The following MEMO1 variants were observed in gnomAD, a reference collection of about 807,000 sequenced individuals.
The protein encoded by MEMO1 is mediator of cell motility 1, also known as protein MEMO1.
In MEMO1, 6 loss-of-function variants were observed where a neutral mutation model predicts 45.2. The observed-to-expected ratio is 0.13, with a 90% CI of 0.07 to 0.26. MEMO1 has a LOEUF of 0.26. Ranked by LOEUF, MEMO1 falls within the 10% of genes least tolerant of loss-of-function variation. The probability of loss-of-function intolerance (pLI) is 1.00; values close to 1 mark genes in which losing one functional copy is unlikely to be tolerated. For missense variants in MEMO1, 184 were observed against 370.5 expected, an observed-to-expected ratio of 0.50 and a Z score of 4.13; for synonymous variants, 78 against 124.3, an observed-to-expected ratio of 0.63 and a Z score of 2.48.
intron 2 of MEMO1, among the ~76,000 whole-genome samples, chr2:31,994,000 G>A (rs1222113057): frequency 9.1e-5 from 10 of 109,846 alleles, no homozygotes; most frequent in Admixed American, 5.7e-4. Flanking sequence ...TTGCTCTGTC[G>A]CCCAGGCTTG....
rs538336489 is a variant in MEMO1 at position 31,956,056 on chromosome 2, C to A, written c.62-12673G>T. Among the ~76,000 whole-genome samples the A allele has an allele frequency of 2.8e-4, 43 of 152,234 alleles. 2 individuals carry two copies. In the East Asian group the frequency reaches 7.7e-3, roughly 27 times the overall value. On this transcript the variant is annotated intron_variant, in intron 2 of 9. Coordinates refer to ENST00000404530, the MANE Select transcript of MEMO1 (RefSeq NM_001301833.4). Reference sequence around the variant, plus strand: ...ATAAATCTGGACCATAAAAAGCAACCACCTCAAGTGACACAAATGCTTGAA... The same window carrying A: ...ATAAATCTGGACCATAAAAAGCAACAACCTCAAGTGACACAAATGCTTGAA...
At chr2:31,890,036 G>T (rs748342289) in intron 7 of MEMO1, among the ~76,000 whole-genome samples, 1 of 152,068 alleles carries the variant, frequency 6.6e-6, no homozygotes, top group Non-Finnish European at 1.5e-5. Flanking sequence ...AATCTAGGTA[G>T]AAGGTAAAAC....
At chr2:31,990,082 A>G (rs1050175577) in intron 2 of MEMO1, among the ~76,000 whole-genome samples, 11 of 152,168 alleles carry the variant, frequency 7.2e-5, no homozygotes, top group African/African-American at 2.4e-4. Flanking sequence ...ATGCCACTGC[A>G]CTCCAGCATG....
At chr2:31,998,319 A>G (rs949395244) in intron 2 of MEMO1, among the ~76,000 whole-genome samples, 25 of 152,054 alleles carry the variant, frequency 1.6e-4, no homozygotes, top group African/African-American at 6.0e-4. Context: ...GGCCTGAAGT[A>G]TTTTCTTTAC....
At chr2:32,010,310 G>A (rs1674708034) in intron 1 of MEMO1, 46 bp from the exon 2 acceptor site, 6 of 1,164,910 alleles carry the variant, frequency 5.2e-6, no homozygotes, top group Admixed American at 4.6e-5. Flanking sequence ...GGCGGCGGCA[G>A]GAGCGGCTCC....
chr2:31,946,764 G>A (rs965729722), intron 2 of MEMO1, among the ~76,000 whole-genome samples: 6 of 152,154 alleles, frequency 3.9e-5, no homozygotes, highest in Non-Finnish European at 8.8e-5. Context: ...TTGGGAGGCT[G>A]AGGCACAGGA....
intron 2 of MEMO1, among the ~76,000 whole-genome samples, chr2:31,972,503 GA>G (rs1239180370): frequency 6.6e-6 from 1 of 152,152 alleles, no homozygotes; most frequent in East Asian, 1.9e-4. Flanking sequence ...TTGAGGTCAG[GA>G]GTTCTAGACC....
At chr2:31,903,953 T>C (rs1298519687) in intron 6 of MEMO1, among the ~76,000 whole-genome samples, 1 of 152,152 alleles carries the variant, frequency 6.6e-6, no homozygotes, top group African/African-American at 2.4e-5. Flanking sequence ...TAAAAGCACA[T>C]CTACTTTTCT....
rs774441988 is a variant in MEMO1, at chr2:31,891,843, A to AT, written c.580+148dup. ...CTGATCCTTTTTAAAGGATCAAAAG[A>AT]TTTTTTATTCACTTTTAAACACTGC... On this transcript the variant is annotated intron_variant, in intron 7 of 9. Coordinates refer to ENST00000404530, the MANE Select transcript of MEMO1 (RefSeq NM_001301833.4). 5.8e-5 allele frequency: 47 copies of AT among 811,340 alleles called. No homozygotes were observed. In the Middle Eastern group the frequency reaches 1.2e-3, roughly 20 times the overall value. 50.3% of individuals were successfully genotyped at this position (811,340 alleles called of 1,614,324 possible).
chr2:31,960,777 T>A (rs753903787), intron 2 of MEMO1, among the ~76,000 whole-genome samples: 1 of 151,488 alleles, frequency 6.6e-6, no homozygotes, highest in Non-Finnish European at 1.5e-5. Flanking sequence ...GTAGAGAGAG[T>A]GTTTCCCCAT....
intron 7 of MEMO1, among the ~76,000 whole-genome samples, chr2:31,886,929 A>G (rs1481017204): frequency 6.6e-6 from 1 of 152,132 alleles, no homozygotes; most frequent in Admixed American, 6.6e-5. Flanking sequence ...TCCCCTAGTG[A>G]GTATGTCAGT....
chr2:31,915,520 A>C (rs1036565115), intron 6 of MEMO1, among the ~76,000 whole-genome samples: 2 of 152,144 alleles, frequency 1.3e-5, no homozygotes, highest in African/African-American at 4.8e-5. Context: ...TAATAGGCCT[A>C]GAAACTTCTG....
intron 3 of MEMO1, among the ~76,000 whole-genome samples, chr2:31,938,442 C>T (rs113185195): frequency 0.01 from 1,525 of 151,622 alleles, 30 homozygotes; most frequent in African/African-American, 0.034. Context: ...GTCAGGAGAT[C>T]GAGACCATCC....
At chr2:31,929,067 A>G (rs1267096455) in intron 4 of MEMO1, among the ~76,000 whole-genome samples, 1 of 152,162 alleles carries the variant, frequency 6.6e-6, no homozygotes, top group Admixed American at 6.5e-5. Context: ...TTTTTTTATA[A>G]AAAACTAATT....
At chr2:31,925,952 G>T (rs993411595) in intron 4 of MEMO1, among the ~76,000 whole-genome samples, 1 of 152,198 alleles carries the variant, frequency 6.6e-6, no homozygotes, top group Non-Finnish European at 1.5e-5. Context: ...AAGCAGTTGT[G>T]TAGTTTTGAG....
chr2:31,913,354 T>A (rs1462199797), intron 6 of MEMO1, among the ~76,000 whole-genome samples: 1 of 151,594 alleles, frequency 6.6e-6, no homozygotes, highest in African/African-American at 2.4e-5. Context: ...GGGGGGAAGC[T>A]TAAAAGCTAA....
intron 2 of MEMO1, among the ~76,000 whole-genome samples, chr2:31,980,741 C>T (rs371321417): frequency 2.0e-5 from 3 of 152,216 alleles, no homozygotes; most frequent in African/African-American, 7.2e-5. Context: ...AATTTAACTT[C>T]TACCTGCACA....
intron 2 of MEMO1, among the ~76,000 whole-genome samples, chr2:31,976,223 A>G (rs551455523): frequency 9.2e-5 from 14 of 152,336 alleles, no homozygotes; most frequent in African/African-American, 3.4e-4. Context: ...CAAAAAAGCT[A>G]AACTTAAATG....
chr2:31,921,106 T>A (rs1435440969), intron 4 of MEMO1, among the ~76,000 whole-genome samples, 196 bp from the exon 5 acceptor site: 1 of 152,186 alleles, frequency 6.6e-6, no homozygotes, highest in Non-Finnish European at 1.5e-5. Flanking sequence ...TGTAGTGCTA[T>A]TTAGAGATAA....
Sources: allele counts gnomAD v4.1 joint callset (sites outside exome capture counted in the v4.1 genomes callset), GRCh38; gene constraint gnomAD v4.1.1; transcripts MANE v1.5; gene names NCBI Gene and HGNC (gene_info 2026-07-23, HGNC 2026-07-21).